The following TTN variants were observed in gnomAD, a reference collection of about 807,000 sequenced individuals.
TTN encodes titin, also known as connectin.
Under a neutral mutation model 3,223.0 loss-of-function variants are expected in TTN, and 1,525 were observed. The ratio of observed to expected loss-of-function variants is 0.47; its 90% CI spans 0.45 to 0.49. The LOEUF (loss-of-function observed/expected upper bound fraction) is 0.49. Among genes scored for constraint, TTN ranks in the 20% least tolerant of loss-of-function variants. The probability of loss-of-function intolerance (pLI) is 0.00; values close to 1 mark genes in which losing one functional copy is unlikely to be tolerated. For missense variants in TTN, 40,786 were observed against 43,424.0 expected (o/e 0.94, Z 5.40); for synonymous variants, 14,094 against 15,161.0 (o/e 0.93, Z 5.17).
At position 178,651,703 on chromosome 2, in the gene TTN, A is replaced by C; in HGVS notation, c.39426T>G (p.Ala13142=). 6.2e-7 allele frequency: 1 copy of C among 1,613,398 alleles called. No homozygotes were observed. The highest frequency in any genetic ancestry group is 8.5e-7 in the Non-Finnish European group (1 of 1,179,576). Residue 13142 remains alanine, a synonymous_variant, in exon 206 of 363, where the codon GCT becomes GCG. Coordinates refer to ENST00000589042, the MANE Select transcript of TTN (RefSeq NM_001267550.2). ...KKPVPEKKAP[A]VVAKKPELPP... ...GTAGTTCAGGTTTTTTGGCAACGAC[A>C]GCAGGTGCTTTCTTTTCTGGGACAG...
Position 178,617,014 on chromosome 2 carries a change from C to A in TTN, c.47876-1G>T. 1.2e-6 allele frequency: 2 copies of A among 1,612,224 alleles called. No homozygotes were observed. Among genetic ancestry groups the A allele is most frequent in the Non-Finnish European group, 1.7e-6 (2 of 1,178,938 alleles). On this transcript the variant is annotated splice_acceptor_variant, in intron 255 of 362. Coordinates refer to ENST00000589042, the MANE Select transcript of TTN (RefSeq NM_001267550.2). LOFTEE classifies it high-confidence loss of function. Reference sequence around the variant, plus strand: ...GCACTTAAATCCATTGTTGGTTCAACTACAAAGAAGAAAAGTTAATGAGTT... The same window carrying A: ...GCACTTAAATCCATTGTTGGTTCAAATACAAAGAAGAAAAGTTAATGAGTT...
rs1559138864 is a variant in TTN, at chr2:178,545,514, T to C, written c.95596A>G (p.Thr31866Ala). 1.2e-6 allele frequency: 2 copies of C among 1,613,722 alleles called. No individual in the cohort carries two copies. The highest frequency in any genetic ancestry group is 2.2e-5 in the South Asian group (2 of 91,074). Residue 31866 changes from threonine to alanine, a missense_variant, in exon 344 of 363, where the codon ACC (threonine) becomes GCC (alanine). Coordinates refer to ENST00000589042, the MANE Select transcript of TTN (RefSeq NM_001267550.2). ...ATCAGGCTGGTCACCTTCAGCCTGGTATCATACACCACATAGTCTTTGTTG... is the reference window on the plus strand; with the variant it reads ...ATCAGGCTGGTCACCTTCAGCCTGGCATCATACACCACATAGTCTTTGTTG... ...RVNKDYVVYD[T>A]RLKVTSLMEG...
intron 33 of TTN, chr2:178,772,901 A>G (rs1561246179): frequency 3.2e-6 from 2 of 617,968 alleles, no homozygotes; most frequent in Non-Finnish European, 5.6e-6. Flanking sequence ...GGAAGGTTTA[A>G]TGGAGAAGGT....
rs2049855196 is a variant in TTN, at chr2:178,589,950, T to A, written c.61775A>T (p.Asn20592Ile). 1 of 1,613,192 alleles carries A rather than the reference T, an allele frequency of 6.2e-7. No homozygotes were observed. Among genetic ancestry groups the A allele is most frequent in the Non-Finnish European group, 8.5e-7 (1 of 1,179,518 alleles). Residue 20592 changes from asparagine (N) to isoleucine (I), a missense_variant, in exon 304 of 363, where the codon AAC becomes ATC. Transcript: ENST00000589042. The stretch of plus-strand genomic sequence containing the variant: ...TTCTGAGCCACCATTATCTAGTGGG[T>A]TTTCCCAAGAAATTGTACAGTTCTC... The part of the protein sequence containing the change: ...TKENCTISWE[N>I]PLDNGGSEIT...
In TTN at chr2:178,774,978, T is replaced by C; in HGVS notation, c.6733A>G (p.Ser2245Gly). The change falls in exon 29 of 363, where the codon AGC (serine) becomes GGC (glycine). Residue 2245 changes from serine (S) to glycine (G), a missense_variant. By Grantham distance (56) the Ser-to-Gly change is moderately conservative. Coordinates refer to ENST00000589042, the MANE Select transcript of TTN (RefSeq NM_001267550.2). The stretch of plus-strand genomic sequence containing the variant: ...TTTTCATCTTCCACAAGTACACAGC[T>C]GTAATCTTCAGCATCAGACGTATCA... ...TIDTSDAEDY[S>G]CVLVEDENVK... The C allele has an allele frequency of 1.2e-6, 2 of 1,613,984 alleles. No individual in the cohort carries two copies. Among genetic ancestry groups the C allele is most frequent in the Non-Finnish European group, 1.7e-6 (2 of 1,179,910 alleles).
intron 16 of TTN, 32 bp from the exon 17 acceptor site, chr2:178,783,817 T>C (rs755914990): frequency 1.3e-6 from 2 of 1,582,358 alleles, no homozygotes; most frequent in Non-Finnish European, 8.7e-7. Flanking sequence ...TACAAAATGC[T>C]CATGAAATTA....
chr2:178,584,779 A>G lies in TTN; in HGVS notation c.64862T>C (p.Val21621Ala). Residue 21621 changes from valine (V) to alanine (A), a missense_variant, in exon 310 of 363, where the codon GTT (valine) becomes GCT (alanine). Transcript: ENST00000589042. Reference protein sequence around the residue: ...LASVTKTSCRVGKLIPGQEYI... With the variant: ...LASVTKTSCRAGKLIPGQEYI... ...CTCCTGGCCTGGGATCAGCTTTCCAACCCTGCAGGAAGTTTTTGTGACTGA... is the reference window on the plus strand; with the variant it reads ...CTCCTGGCCTGGGATCAGCTTTCCAGCCCTGCAGGAAGTTTTTGTGACTGA... 6.2e-7 allele frequency: 1 copy of G among 1,613,404 alleles called. No homozygotes were observed. Among genetic ancestry groups the G allele is most frequent in the South Asian group, 1.1e-5 (1 of 91,060 alleles).
Position 178,684,712 on chromosome 2 carries a change from C to CT in TTN, c.32591dup (p.Val10865GlyfsTer7), listed in dbSNP as rs1300823155. On this transcript the variant is annotated frameshift_variant, in exon 131 of 363. Transcript: ENST00000589042. LOFTEE classifies it high-confidence loss of function. ...CCATCTTAATGACTTTTGGAGGAAC[C>CT]TTTTTTTCTGGAACTGGTTTCTTTG... 2 of 1,613,168 alleles carry CT rather than the reference C, an allele frequency of 1.2e-6. No individual in the cohort carries two copies. The highest frequency in any genetic ancestry group is 1.7e-6 in the Non-Finnish European group (2 of 1,179,622).
At position 178,551,225 on chromosome 2, in the gene TTN, G is replaced by C; in HGVS notation, c.91306C>G (p.Arg30436Gly). ...TTCCATTTAAGTGTGATGGTTTCCC[G>C]GGTGACATCAATGTAGTCAGGAGTG... ...PGTPDYIDVT[R>G]ETITLKWNPP... The change falls in exon 336 of 363, where the codon CGG (arginine) becomes GGG (glycine). Residue 30436 changes from arginine to glycine, a missense_variant. Arg to Gly is a moderately radical substitution (Grantham distance 125, BLOSUM62 -2). Transcript: ENST00000589042. The C allele has an allele frequency of 1.2e-6, 2 of 1,613,148 alleles. No individual in the cohort carries two copies. The highest frequency in any genetic ancestry group is 1.7e-4 in the Middle Eastern group (1 of 6,054).
rs774090305 is a variant in TTN at position 178,582,394 on chromosome 2, A to G, written c.66062T>C (p.Ile22021Thr). The G allele has an allele frequency of 6.2e-7, 1 of 1,612,748 alleles. No homozygotes were observed. Among genetic ancestry groups the G allele is most frequent in the African/African-American group, 1.3e-5 (1 of 74,832 alleles). ...ACGGAACTGATACTCATGGCCCTCT[A>G]TAAGTTTCTCCACGCTGCAGCTGGT... ...PITSCSVEKL[I>T]EGHEYQFRIC... The change falls in exon 314 of 363, where the codon ATA becomes ACA. Residue 22021 changes from isoleucine to threonine, a missense_variant. Coordinates refer to ENST00000589042, the MANE Select transcript of TTN (RefSeq NM_001267550.2).
At position 178,645,999 on chromosome 2, in the gene TTN, T is replaced by C. The variant is rs955735941; in HGVS notation, c.40329A>G (p.Pro13443=). 3.2e-6 allele frequency: 5 copies of C among 1,581,488 alleles called. No individual in the cohort carries two copies. In the African/African-American group the frequency reaches 6.9e-5, roughly 22 times the overall value. The change falls in exon 217 of 363, where the codon CCA becomes CCG. Residue 13443 remains proline (P), a synonymous_variant. Transcript: ENST00000589042. ...GAGGTGGGGGTCTTGGTTTGAGTTT[T>C]GGCTTCTCAATAACCTTTTCAGGTT... ...EPEPEKVIEK[P]KLKPRPPPPP...
intron 71 of TTN, 42 bp from the exon 72 acceptor site, chr2:178,724,580 TTTACTC>T: frequency 2.0e-6 from 3 of 1,529,822 alleles, no homozygotes; most frequent in Non-Finnish European, 2.6e-6. Flanking sequence ...GTCTGGGATC[TTTACTC>T]TGTCTCTACT....
intron 149 of TTN, 114 bp downstream of exon 149, chr2:178,675,557 C>A: frequency 1.2e-6 from 1 of 841,308 alleles, no homozygotes; most frequent in Non-Finnish European, 1.6e-6. Context: ...TCAGAAATGA[C>A]GAATGTGAAT....
Position 178,718,177 on chromosome 2 carries a change from TG to T in TTN, c.24828del (p.Ile8277LeufsTer45). 1 of 1,605,496 alleles carries T rather than the reference TG, an allele frequency of 6.2e-7. No homozygotes were observed. Among genetic ancestry groups the T allele is most frequent in the Non-Finnish European group, 8.5e-7 (1 of 1,179,282 alleles). The part of the protein sequence containing the change: ...FIEPLEHVEA[V>X]IGEPATLQCK... ...CACTGTAAAGTTGCAGGTTCTCCAA[TG>T]ACTGCTTCCACATGTTCCAGAGGTT... On this transcript the variant is annotated frameshift_variant, in exon 86 of 363. Coordinates refer to ENST00000589042, the MANE Select transcript of TTN (RefSeq NM_001267550.2). LOFTEE classifies it high-confidence loss of function.
Position 178,547,825 on chromosome 2 carries a change from T to C in TTN, c.93801A>G (p.Thr31267=). Residue 31267 remains threonine, a synonymous_variant, in exon 339 of 363, where the codon ACA becomes ACG. Transcript: ENST00000589042. ...TTACAGTCAGTGTGGTTCTGTCTTT[T>C]GTTGTTGTAATGCTCACTCGATCTG... The part of the protein sequence containing the change: ...KETDRVSITT[T]KDRTTLTVKD... 1 of 1,613,902 alleles carries C rather than the reference T, an allele frequency of 6.2e-7. No homozygotes were observed. The highest frequency in any genetic ancestry group is 2.2e-5 in the East Asian group (1 of 44,866).
chr2:178,748,958 G>T (rs779024272), intron 47 of TTN: 5 of 1,612,510 alleles, frequency 3.1e-6, no homozygotes, highest in Non-Finnish European at 4.2e-6. Context: ...ATTAACAATT[G>T]ATGTTCTGGT....
chr2:178,703,569 G>A (rs1050708955), intron 106 of TTN, among the ~76,000 whole-genome samples: 1 of 152,168 alleles, frequency 6.6e-6, no homozygotes, highest in Non-Finnish European at 1.5e-5. Flanking sequence ...GTTTGAGGGT[G>A]TCTTTGGAAA....
At position 178,770,561 on chromosome 2, in the gene TTN, C is replaced by G. The variant is rs556908341; in HGVS notation, c.8231G>C (p.Gly2744Ala). The G allele has an allele frequency of 1.2e-4, 193 of 1,614,136 alleles. 2 individuals carry two copies. In the South Asian group the frequency reaches 2.0e-3, roughly 17 times the overall value. The change falls in exon 35 of 363, where the codon GGA (glycine) becomes GCA (alanine). Residue 2744 changes from glycine to alanine, a missense_variant. By Grantham distance (60) the Gly-to-Ala change is moderately conservative (BLOSUM62 0). Transcript: ENST00000589042. ...NVKGVQWIKN[G>A]VVLESNEKYA... ...CTTTTCATTGGATTCCAGCACAACT[C>G]CATTTTTGATCCACTGGACACCTTT...
chr2:178,767,831 G>T lies in TTN; in HGVS notation c.9399C>A (p.Gly3133=). 1 of 1,614,128 alleles carries T rather than the reference G, an allele frequency of 6.2e-7. No homozygotes were observed. The highest frequency in any genetic ancestry group is 8.5e-7 in the Non-Finnish European group (1 of 1,180,002). ...CAAAGAGTTTTGCAGTTGACACGTT[G>T]CCTCCTGCCACCACTGTGTACTTCC... The part of the protein sequence containing the change: ...DAGKYTVVAG[G]NVSTAKLFVE... Residue 3133 remains glycine (G), a synonymous_variant, in exon 40 of 363, where the codon GGC becomes GGA. Coordinates refer to ENST00000589042, the MANE Select transcript of TTN (RefSeq NM_001267550.2).
Sources: gnomAD v4.1 joint callset for allele counts (sites outside exome capture counted in the v4.1 genomes callset) on GRCh38, gnomAD v4.1.1 for gene constraint, MANE v1.5 for transcripts, NCBI Gene and HGNC (gene_info 2026-07-23, HGNC 2026-07-21) for gene names.